Variants in PCDHA13 observed in about 807,000 individuals in gnomAD.
PCDHA13 encodes protocadherin alpha 13.
PCDHA13 carries 54 observed loss-of-function variants against 64.8 expected under a neutral mutation model. That is an observed-to-expected ratio of 0.83 (90% CI 0.67 to 1.04). The LOEUF is 1.04. PCDHA13 is among the 50% of genes least tolerant of loss of function. The pLI, the probability that PCDHA13 is intolerant of heterozygous loss-of-function variation, is 0.00. For missense variants in PCDHA13, 1,248 were observed against 1,254.3 expected (o/e 0.99, Z 0.08); for synonymous variants, 587 against 564.4 (o/e 1.04, Z -0.57).
At chr5:140,897,340 C>G (rs1326802877) in intron 1 of PCDHA13, among the ~76,000 whole-genome samples, 1 of 122,842 alleles carries the variant, frequency 8.1e-6, no homozygotes, top group African/African-American at 3.1e-5. Flanking sequence ...CCCCTCCCCC[C>G]ACCCCACAAC....
chr5:140,978,140 T>C (rs1379052059), intron 1 of PCDHA13, among the ~76,000 whole-genome samples: 2 of 152,222 alleles, frequency 1.3e-5, no homozygotes, highest in Non-Finnish European at 2.9e-5. Flanking sequence ...ATTTTCCTCT[T>C]TGTTCTCCCC....
intron 1 of PCDHA13, chr5:140,927,524 C>G (rs781824669): frequency 1.2e-6 from 2 of 1,614,104 alleles, no homozygotes; most frequent in Admixed American, 1.7e-5. Flanking sequence ...GGCGGGCTAC[C>G]TGCCCGCTCA....
At chr5:140,961,384 A>G (rs568973458) in intron 1 of PCDHA13, among the ~76,000 whole-genome samples, 44 of 152,302 alleles carry the variant, frequency 2.9e-4, no homozygotes, top group Non-Finnish European at 5.7e-4. Flanking sequence ...AGTTTGAACT[A>G]TTCCATTAGT....
intron 1 of PCDHA13, among the ~76,000 whole-genome samples, chr5:140,943,664 T>G (rs1404337303): frequency 6.6e-6 from 1 of 151,998 alleles, no homozygotes; most frequent in Non-Finnish European, 1.5e-5. Flanking sequence ...GAACAATGTA[T>G]AAAGTGTGAA....
At chr5:140,960,629 A>C (rs1370416431) in intron 1 of PCDHA13, among the ~76,000 whole-genome samples, 1 of 152,192 alleles carries the variant, frequency 6.6e-6, no homozygotes, top group Admixed American at 6.5e-5. Flanking sequence ...TTTGAAATAT[A>C]TTTTTAAAAC....
chr5:140,950,278 G>A (rs2094467824), intron 1 of PCDHA13, among the ~76,000 whole-genome samples: 1 of 151,868 alleles, frequency 6.6e-6, no homozygotes, highest in African/African-American at 2.4e-5. Context: ...ATGTCTTTTT[G>A]CTTCAACCTG....
chr5:140,929,282 A>T, intron 1 of PCDHA13: 1 of 1,601,564 alleles, frequency 6.2e-7, no homozygotes, highest in South Asian at 1.1e-5. Flanking sequence ...TCCTGTATTC[A>T]GATTCGGAAT....
chr5:140,897,636 C>A (rs2066236074), intron 1 of PCDHA13, among the ~76,000 whole-genome samples: 1 of 152,038 alleles, frequency 6.6e-6, no homozygotes, highest in African/African-American at 2.4e-5. Context: ...GTGTATAGTG[C>A]CACAATAAAC....
chr5:140,932,203 T>C (rs1415160763), intron 1 of PCDHA13, among the ~76,000 whole-genome samples: 1 of 151,924 alleles, frequency 6.6e-6, no homozygotes, highest in Non-Finnish European at 1.5e-5. Context: ...TCTGTTAATA[T>C]TCTTGATGGG....
At chr5:140,906,030 T>G (rs1554192342) in intron 1 of PCDHA13, among the ~76,000 whole-genome samples, 1 of 152,196 alleles carries the variant, frequency 6.6e-6, no homozygotes, top group Non-Finnish European at 1.5e-5. Flanking sequence ...CACGTTCTTC[T>G]GTCTGCTTTT....
intron 3 of PCDHA13, among the ~76,000 whole-genome samples, chr5:140,992,190 A>C (rs1452489619): frequency 1.3e-5 from 2 of 152,134 alleles, no homozygotes; most frequent in African/African-American, 2.4e-5. Flanking sequence ...GCTTTCAGTG[A>C]TCTATCCAAT....
At chr5:140,975,784 A>G (rs1216156931) in intron 1 of PCDHA13, among the ~76,000 whole-genome samples, 1 of 151,914 alleles carries the variant, frequency 6.6e-6, no homozygotes, top group Non-Finnish European at 1.5e-5. Flanking sequence ...CCATTACAAG[A>G]TAAATTAAAT....
chr5:140,946,092 G>A (rs985293430), intron 1 of PCDHA13, among the ~76,000 whole-genome samples: 2 of 151,914 alleles, frequency 1.3e-5, no homozygotes, highest in Non-Finnish European at 2.9e-5. Flanking sequence ...CTGATAAGGA[G>A]TTAACATACC....
chr5:140,891,044 CA>C (rs1406159323), intron 1 of PCDHA13, among the ~76,000 whole-genome samples: 9 of 152,030 alleles, frequency 5.9e-5, no homozygotes, highest in African/African-American at 2.2e-4. Flanking sequence ...GTGTGACCCC[CA>C]CAGCACATAG....
At chr5:140,932,794 G>A (rs945877357) in intron 1 of PCDHA13, among the ~76,000 whole-genome samples, 46 of 151,806 alleles carry the variant, frequency 3.0e-4, no homozygotes, top group African/African-American at 4.8e-5. Flanking sequence ...TAAGAGAAAA[G>A]CAATACCTTG....
chr5:140,997,018 A>AT (rs1162959481), intron 3 of PCDHA13, among the ~76,000 whole-genome samples: 3 of 151,882 alleles, frequency 2.0e-5, no homozygotes, highest in Admixed American at 1.3e-4. Flanking sequence ...ATCCTCCAAT[A>AT]TTTTTTTGAA....
At chr5:140,885,203 C>A (rs1348633653) in intron 1 of PCDHA13, among the ~76,000 whole-genome samples, 2 of 151,986 alleles carry the variant, frequency 1.3e-5, no homozygotes, top group African/African-American at 2.4e-5. Flanking sequence ...TCTCATATAT[C>A]CCATGAAAAA....
Position 141,009,767 on chromosome 5 carries a change from G to T in PCDHA13, c.2683G>T (p.Ala895Ser). ...PDKFIIPGSP[A>S]IISIRQEPTN... is the part of the protein sequence containing the mutation. Reference sequence around the variant, plus strand: ...CAAATTCATTATCCCAGGATCTCCTGCAATCATCTCCATCCGGCAGGAGCC... The same window carrying T: ...CAAATTCATTATCCCAGGATCTCCTTCAATCATCTCCATCCGGCAGGAGCC... The change falls in exon 4 of 4, where the codon GCA becomes TCA. Residue 895 changes from alanine to serine, a missense_variant. Coordinates refer to ENST00000289272, the MANE Select transcript of PCDHA13 (RefSeq NM_018904.3). 1 of 1,614,108 alleles carries T rather than the reference G, an allele frequency of 6.2e-7. No individual in the cohort carries two copies. Among genetic ancestry groups the T allele is most frequent in the South Asian group, 1.1e-5 (1 of 91,072 alleles).
At chr5:140,910,399 T>G (rs1461842314) in intron 1 of PCDHA13, among the ~76,000 whole-genome samples, 1 of 152,172 alleles carries the variant, frequency 6.6e-6, no homozygotes, top group East Asian at 1.9e-4. Context: ...GACTGGCCCC[T>G]GCCACCTCGA....
Sources: gnomAD v4.1 joint callset for allele counts (sites outside exome capture counted in the v4.1 genomes callset) on GRCh38, gnomAD v4.1.1 for gene constraint, MANE v1.5 for transcripts, NCBI Gene and HGNC (gene_info 2026-07-23, HGNC 2026-07-21) for gene names.